RIF1: variants seen among roughly 807,000 people sequenced by gnomAD.
RIF1 encodes the protein telomere-associated protein RIF1.
Under a neutral mutation model 247.1 loss-of-function variants are expected in RIF1, and 45 were observed. That is an observed-to-expected ratio of 0.18 (90% confidence interval 0.14 to 0.23). The LOEUF (loss-of-function observed/expected upper bound fraction) is 0.23, where lower values mean the gene tolerates loss of function less well. Ranked by LOEUF, RIF1 falls within the 10% of genes least tolerant of loss-of-function variation. The pLI, the probability that RIF1 is intolerant of heterozygous loss-of-function variation, is 1.00. For synonymous variants in RIF1, 1,087 were observed against 978.8 expected (o/e 1.11, Z -2.06); for missense variants, 2,967 against 2,862.5 (o/e 1.04, Z -0.83).
chr2:151,428,008 G>A lies in RIF1; in HGVS notation c.787-776G>A, dbSNP rs370219633. On this transcript the variant is annotated intron_variant, in intron 8 of 35. Coordinates refer to ENST00000444746, the MANE Select transcript of RIF1 (RefSeq NM_018151.5). ...GGAGGCAGAGGTTGCAGTGAGCTGA[G>A]ATCCAGCCATTGCACTCCAGCCGGG... 1.4e-4 allele frequency among the ~76,000 whole-genome samples: 21 copies of A among 152,190 alleles called. No individual in the cohort carries two copies. In the East Asian group the frequency reaches 3.1e-3, roughly 22 times the overall value.
chr2:151,455,678 G>A (rs1426748286), intron 22 of RIF1, among the ~76,000 whole-genome samples: 1 of 152,132 alleles, frequency 6.6e-6, no homozygotes, highest in African/African-American at 2.4e-5. Flanking sequence ...GAGGATGTGT[G>A]TAGGTTACAT....
chr2:151,522,970 T>C, the RIF1 span, among the ~76,000 whole-genome samples: 1 of 152,148 alleles, frequency 6.6e-6, no homozygotes, highest in Non-Finnish European at 1.5e-5. Flanking sequence ...ATGGGACCCA[T>C]AGGGTCCCAT....
chr2:151,505,710 T>C (rs1447409469), intron 12 of RIF1: 1 of 688,122 alleles, frequency 1.5e-6, no homozygotes, highest in Non-Finnish European at 2.6e-6. Flanking sequence ...TTAGTGTGAA[T>C]GGGACCTCAT....
At chr2:151,523,257 A>T in the RIF1 span, among the ~76,000 whole-genome samples, 3 of 152,212 alleles carry the variant, frequency 2.0e-5, no homozygotes, top group Non-Finnish European at 4.4e-5. Flanking sequence ...AATATGTTAC[A>T]TAGGAATTTT....
At chr2:151,467,407 C>T (rs755704466) in intron 30 of RIF1, among the ~76,000 whole-genome samples, 18 of 152,096 alleles carry the variant, frequency 1.2e-4, no homozygotes, top group Admixed American at 2.6e-4. Flanking sequence ...TGCAGTGGCA[C>T]GATCTTGGCT....
the RIF1 span, among the ~76,000 whole-genome samples, chr2:151,518,124 G>T: frequency 2.0e-5 from 3 of 152,120 alleles, no homozygotes; most frequent in Non-Finnish European, 4.4e-5. Context: ...ATAATTGCAT[G>T]TATATTTCTC....
chr2:151,508,363 A>AG (rs2071026343), downstream of RIF1, among the ~76,000 whole-genome samples: 1 of 152,166 alleles, frequency 6.6e-6, no homozygotes, highest in South Asian at 2.1e-4. Flanking sequence ...AAGCTGGCAG[A>AG]GGGGGAACCT....
At chr2:151,515,636 TCA>T in the RIF1 span, among the ~76,000 whole-genome samples, 1 of 152,216 alleles carries the variant, frequency 6.6e-6, no homozygotes, top group Non-Finnish European at 1.5e-5. Flanking sequence ...CTTAGCTGAC[TCA>T]CAGAGGGGCT....
At chr2:151,434,065 G>A (rs967034368) in intron 10 of RIF1, among the ~76,000 whole-genome samples, 2 of 151,468 alleles carry the variant, frequency 1.3e-5, no homozygotes, top group Non-Finnish European at 2.9e-5. Context: ...TCAGCTACTC[G>A]GGAGGCTGAG....
At chr2:151,503,363 C>G (rs2066234395) in intron 12 of RIF1, 2 of 1,610,876 alleles carry the variant, frequency 1.2e-6, no homozygotes, top group East Asian at 2.2e-5. Context: ...CTAAAGTTCT[C>G]TTGATTGCGT....
chr2:151,531,879 GT>G, the RIF1 span: 1 of 1,586,062 alleles, frequency 6.3e-7, no homozygotes, highest in Non-Finnish European at 8.6e-7. Context: ...ATTTTTCATA[GT>G]TTTTCCTGTA....
At chr2:151,505,111 T>C (rs936602037) in intron 12 of RIF1, among the ~76,000 whole-genome samples, 9 of 152,238 alleles carry the variant, frequency 5.9e-5, no homozygotes, top group South Asian at 2.1e-4. Flanking sequence ...ATACTACTTA[T>C]ATGTTTATAT....
At chr2:151,511,410 G>C (rs2074212245), downstream of RIF1, among the ~76,000 whole-genome samples, 1 of 152,134 alleles carries the variant, frequency 6.6e-6, no homozygotes, top group Non-Finnish European at 1.5e-5. Context: ...TTCCAGTAAA[G>C]GGTTGAAATC....
rs1395952770 is a variant in RIF1 at position 151,437,365 on chromosome 2, A to AT, written c.1483+17dup. 6.4e-7 allele frequency: 1 copy of AT among 1,573,724 alleles called. No individual in the cohort carries two copies. Among genetic ancestry groups the AT allele is most frequent in the East Asian group, 2.2e-5 (1 of 44,650 alleles). On this transcript the variant is annotated intron_variant, in intron 13 of 35. Coordinates refer to ENST00000444746, the MANE Select transcript of RIF1 (RefSeq NM_018151.5). ...AAGATGCCCCCGGTAAGAGAATTTG[A>AT]TTTATTATTTGCTCAAATGTGTGTT...
intron 15 of RIF1, among the ~76,000 whole-genome samples, chr2:151,440,368 A>G (rs1692062402): frequency 6.6e-6 from 1 of 152,222 alleles, no homozygotes; most frequent in Non-Finnish European, 1.5e-5. Flanking sequence ...AGTATCCGCC[A>G]TACAGAGAAA....
chr2:151,462,757 C>T, intron 29 of RIF1, 127 bp from the exon 30 acceptor site: 2 of 670,358 alleles, frequency 3.0e-6, no homozygotes, highest in Non-Finnish European at 5.0e-6. Flanking sequence ...GAATAGTTGC[C>T]ATATATTGAA....
chr2:151,413,486 A>G (rs1456338873), intron 3 of RIF1, among the ~76,000 whole-genome samples: 1 of 152,228 alleles, frequency 6.6e-6, no homozygotes, highest in East Asian at 1.9e-4. Context: ...GTAAAATAGA[A>G]CATGTTTATA....
At chr2:151,461,037 A>G (rs1696076780) in intron 26 of RIF1, 101 bp from the exon 27 acceptor site, 10 of 1,055,440 alleles carry the variant, frequency 9.5e-6, no homozygotes, top group Non-Finnish European at 9.8e-6. Flanking sequence ...TTTCATAATC[A>G]CTATTGAAAA....
downstream of RIF1, among the ~76,000 whole-genome samples, chr2:151,510,135 G>A (rs1006559997): frequency 6.6e-6 from 1 of 152,122 alleles, no homozygotes; most frequent in African/African-American, 2.4e-5. Context: ...AATTTAAATG[G>A]GTTCAGGTGC....
Sources: gnomAD v4.1 joint callset for allele counts (sites outside exome capture counted in the v4.1 genomes callset) on GRCh38, gnomAD v4.1.1 for gene constraint, MANE v1.5 for transcripts, NCBI Gene and HGNC (gene_info 2026-07-23, HGNC 2026-07-21) for gene names.